Variants in SLC41A3 observed in about 807,000 individuals in gnomAD.
SLC41A3 encodes SLC41A1-like 2.
A neutral mutation model predicts 45.4 loss-of-function variants in SLC41A3; 44 were observed. The ratio of observed to expected loss-of-function variants is 0.97; its 90% CI spans 0.76 to 1.25. The LOEUF is 1.25. SLC41A3 is among the 50% of genes most tolerant of loss of function. The probability of loss-of-function intolerance (pLI) is 0.00; values close to 1 mark genes in which losing one functional copy is unlikely to be tolerated. For synonymous variants in SLC41A3, 256 were observed against 252.4 expected (o/e 1.01, Z -0.13); for missense variants, 550 against 600.6 (o/e 0.92, Z 0.88).
intron 8 of SLC41A3, among the ~76,000 whole-genome samples, chr3:126,015,050 G>T (rs1940133225): frequency 6.6e-6 from 1 of 152,192 alleles, no homozygotes; most frequent in East Asian, 1.9e-4. Flanking sequence ...TTTTTAAGAA[G>T]AAGAAATCCA....
intron 2 of SLC41A3, among the ~76,000 whole-genome samples, chr3:126,059,303 A>AGAAAG (rs1943917414): frequency 1.7e-5 from 2 of 114,740 alleles, no homozygotes; most frequent in Non-Finnish European, 3.8e-5. Context: ...AGAAAGAAAG[A>AGAAAG]AAGAAAGGAA....
At chr3:126,013,490 G>A (rs976079839) in intron 8 of SLC41A3, among the ~76,000 whole-genome samples, 5 of 151,722 alleles carry the variant, frequency 3.3e-5, no homozygotes, top group Admixed American at 6.6e-5. Flanking sequence ...TTGAACCCAG[G>A]AGTCAGAGAT....
chr3:126,067,973 C>T lies in SLC41A3; in HGVS notation c.247G>A (p.Ala83Thr). The T allele has an allele frequency of 2.5e-6, 4 of 1,612,018 alleles. No individual in the cohort carries two copies. The highest frequency in any genetic ancestry group is 3.4e-6 in the Non-Finnish European group (4 of 1,179,070). The change falls in exon 2 of 11, where the codon GCC (alanine) becomes ACC (threonine). Residue 83 changes from alanine to threonine, a missense_variant. By Grantham distance (58) the Ala-to-Thr change is moderately conservative (BLOSUM62 0). Transcript: ENST00000360370. ...FMFAGLGLSW[A>T]GMLLDYFQHW... ...TGGAAATAGTCCAGAAGCATGCCGG[C>T]CCAGGACAGTCCCAGGCCTGCAAAC...
chr3:126,067,681 A>T, intron 2 of SLC41A3: 1 of 538,194 alleles, frequency 1.9e-6, no homozygotes, highest in Non-Finnish European at 3.4e-6. Flanking sequence ...TAAACTTCAA[A>T]GTACATCAGA....
rs147758316 is a variant in SLC41A3 at position 126,073,572 on chromosome 3, T to C, written c.-27-5326A>G. Among the ~76,000 whole-genome samples the C allele has an allele frequency of 5.3e-3, 804 of 152,232 alleles. 5 individuals are homozygous for C. The highest frequency in any genetic ancestry group is 0.018 in the African/African-American group (748 of 41,552). ...TATAACAAACCTGCACATGTACCCCTGAACCTAAACGTTAAAAAATAAATA... is the reference window on the plus strand; with the variant it reads ...TATAACAAACCTGCACATGTACCCCCGAACCTAAACGTTAAAAAATAAATA... On this transcript the variant is annotated intron_variant, in intron 1 of 10. Coordinates refer to ENST00000360370, the MANE Select transcript of SLC41A3 (RefSeq NM_017836.4).
intron 6 of SLC41A3, among the ~76,000 whole-genome samples, chr3:126,019,945 G>T (rs1940683978): frequency 6.6e-6 from 1 of 151,958 alleles, no homozygotes; most frequent in South Asian, 2.1e-4. Flanking sequence ...ATTTCTGCTT[G>T]GCACTGCTCT....
intron 1 of SLC41A3, among the ~76,000 whole-genome samples, chr3:126,078,191 C>T (rs1944970573): frequency 6.6e-6 from 1 of 152,200 alleles, no homozygotes; most frequent in Non-Finnish European, 1.5e-5. Flanking sequence ...CTGCTGCATC[C>T]CTTAGGTCCT....
At chr3:126,080,785 T>C (rs1945109522) in intron 1 of SLC41A3, among the ~76,000 whole-genome samples, 1 of 152,144 alleles carries the variant, frequency 6.6e-6, no homozygotes, top group East Asian at 1.9e-4. Context: ...ACCCCATCTC[T>C]ACTAAAATAC....
chr3:126,053,195 T>C (rs768237906), intron 2 of SLC41A3, among the ~76,000 whole-genome samples: 7 of 152,164 alleles, frequency 4.6e-5, no homozygotes, highest in Non-Finnish European at 1.0e-4. Context: ...TTTAATGAGA[T>C]AATTAAGTTG....
At chr3:126,015,388 C>T (rs1206549109) in intron 8 of SLC41A3, 106 bp downstream of exon 8, 1 of 1,113,684 alleles carries the variant, frequency 9.0e-7, no homozygotes, top group Non-Finnish European at 1.3e-6. Flanking sequence ...GCCCAACTGC[C>T]TGTGCGGGGC....
chr3:126,017,293 C>A (rs28399222), intron 6 of SLC41A3, among the ~76,000 whole-genome samples: 7 of 152,164 alleles, frequency 4.6e-5, no homozygotes, highest in Non-Finnish European at 1.0e-4. Flanking sequence ...AGGAAGCAGA[C>A]GTGCAAAAAA....
At chr3:126,014,119 A>G (rs1182868768) in intron 8 of SLC41A3, among the ~76,000 whole-genome samples, 2 of 152,108 alleles carry the variant, frequency 1.3e-5, no homozygotes, top group Admixed American at 6.6e-5. Flanking sequence ...TGCCATGGAG[A>G]ACTCTCCCTA....
intron 9 of SLC41A3, 119 bp downstream of exon 9, chr3:126,012,496 G>C (rs1389897232): frequency 7.5e-7 from 1 of 1,338,196 alleles, no homozygotes; most frequent in African/African-American, 1.4e-5. Flanking sequence ...AAGGTGATGT[G>C]TGCCGAGATC....
At chr3:126,032,427 G>GACACAGC (rs1941866076) in intron 4 of SLC41A3, among the ~76,000 whole-genome samples, 1 of 152,350 alleles carries the variant, frequency 6.6e-6, no homozygotes, top group South Asian at 2.1e-4. Context: ...GGTTTCTGGT[G>GACACAGC]TGGTTACTGG....
intron 1 of SLC41A3, 80 bp from the exon 2 acceptor site, chr3:126,068,326 T>C (rs1005321790): frequency 3.0e-6 from 4 of 1,339,334 alleles, no homozygotes; most frequent in Admixed American, 5.7e-5. Flanking sequence ...CAGGCACCTG[T>C]CCAGCCCCAG....
At chr3:126,008,076 G>C (rs1939296329) in intron 10 of SLC41A3, among the ~76,000 whole-genome samples, 1 of 152,252 alleles carries the variant, frequency 6.6e-6, no homozygotes, top group Non-Finnish European at 1.5e-5. Context: ...GGAGGCAGTG[G>C]ATAGCTGGAC....
At position 126,043,612 on chromosome 3, in the gene SLC41A3, C is replaced by T. The variant is rs1216625222; in HGVS notation, c.381+7331G>A. Among the ~76,000 whole-genome samples, 3 of 151,684 alleles carry T rather than the reference C, an allele frequency of 2.0e-5. No homozygotes were observed. In the East Asian group the frequency reaches 5.8e-4, roughly 29 times the overall value. ...TATAAAAAGATATACTTTATGAGAT[C>T]AATAACCAAGTTCAGAGGCAGAGCT... On this transcript the variant is annotated intron_variant, in intron 3 of 10. Transcript: ENST00000360370.
At chr3:126,099,801 A>G (rs1257718467) in intron 1 of SLC41A3, among the ~76,000 whole-genome samples, 1 of 152,226 alleles carries the variant, frequency 6.6e-6, no homozygotes, top group East Asian at 1.9e-4. Flanking sequence ...AAAACTTTAT[A>G]ACTGCGTTAT....
chr3:126,091,834 A>G lies in SLC41A3; in HGVS notation c.-79+9595T>C, dbSNP rs895254132. Among the ~76,000 whole-genome samples, 7 of 152,170 alleles carry G rather than the reference A, an allele frequency of 4.6e-5. No individual in the cohort carries two copies. The East Asian group carries it at 1.2e-3, about 25-fold the overall frequency. ...TTTATTTTATGGCCTGCTATCTGTC[A>G]TGTTGGTGTCTTATTGCTACAAAGA... is the stretch of plus-strand genomic sequence containing the variant. On this transcript the variant is annotated intron_variant, in intron 1 of 9. Transcript: ENST00000508835.
Sources: allele counts gnomAD v4.1 joint callset (sites outside exome capture counted in the v4.1 genomes callset), GRCh38; gene constraint gnomAD v4.1.1; transcripts MANE v1.5; gene names NCBI Gene and HGNC (gene_info 2026-07-23, HGNC 2026-07-21).